The following VWA1 variants were observed in gnomAD, a reference collection of about 807,000 sequenced individuals.
VWA1 encodes the protein von Willebrand factor A domain containing 1.
Under a neutral mutation model 14.9 loss-of-function variants are expected in VWA1, and 12 were observed. The ratio of observed to expected loss-of-function variants is 0.80; its 90% CI spans 0.52 to 1.30. The LOEUF (loss-of-function observed/expected upper bound fraction) is 1.30, where lower values mean the gene tolerates loss of function less well. VWA1 is among the 50% of genes most tolerant of loss of function. The pLI is 0.00. For synonymous variants in VWA1, 368 were observed against 310.7 expected, an observed-to-expected ratio of 1.18 and a Z score of -1.94; for missense variants, 800 against 649.1, an observed-to-expected ratio of 1.23 and a Z score of -2.53.
Position 1,437,380 on chromosome 1 carries a change from T to C in VWA1, c.527T>C (p.Leu176Pro), listed in dbSNP as rs1351729699. The change falls in exon 2 of 3, where the codon CTG (leucine) becomes CCG (proline). Residue 176 changes from leucine (L) to proline (P), a missense_variant. Leu to Pro is a moderately conservative substitution (Grantham distance 98, BLOSUM62 -3). Transcript: ENST00000476993. ...GTCAGCACCGGCCGAGGCAACTTCCTGGAGCTGTCAGCCGCTGCCTCAGCC... is the reference window on the plus strand; with the variant it reads ...GTCAGCACCGGCCGAGGCAACTTCCCGGAGCTGTCAGCCGCTGCCTCAGCC... ...FIVSTGRGNF[L>P]ELSAAASAPA... 6.2e-7 allele frequency: 1 copy of C among 1,612,832 alleles called. No individual in the cohort carries two copies. The highest frequency in any genetic ancestry group is 1.1e-5 in the South Asian group (1 of 91,084).
chr1:1,439,682 C>T lies in VWA1; in HGVS notation c.1233C>T (p.Arg411=). 2 of 1,288,534 alleles carry T rather than the reference C, an allele frequency of 1.6e-6. No homozygotes were observed. The highest frequency in any genetic ancestry group is 9.9e-7 in the Non-Finnish European group (1 of 1,008,800). The allele number at this position is 1,288,534 out of a possible 1,614,324, so 79.8% of individuals were successfully genotyped here. A position where few individuals can be genotyped will look rare whatever the true frequency, so the allele number is the denominator to read the frequency against. The change falls in exon 3 of 3, where the codon CGC becomes CGT. Residue 411 remains arginine, a synonymous_variant. Coordinates refer to ENST00000476993, the MANE Select transcript of VWA1 (RefSeq NM_022834.5). ...VTVTAAFRSG[R]ESALSAKACT... ...TGACCGCCGCCTTCCGCTCGGGCCG[C>T]GAGAGCGCGCTGTCCGCCAAGGCCT...
rs1638521895 is a variant in VWA1 at position 1,435,727 on chromosome 1, C to T, written c.-22C>T. 8 of 1,198,212 alleles carry T rather than the reference C, an allele frequency of 6.7e-6. No individual in the cohort carries two copies. The highest frequency in any genetic ancestry group is 2.8e-4 in the Middle Eastern group (1 of 3,596). The allele number at this position is 1,198,212 out of a possible 1,614,324, so 74.2% of individuals were successfully genotyped here. ...GCGAGCGAGCGAGCGAGTTGCCGAG[C>T]GCGCCCCGTCCCTCGCGCGCGATGC... On this transcript the variant is annotated 5_prime_UTR_variant, in exon 1 of 3. Coordinates refer to ENST00000476993, the MANE Select transcript of VWA1 (RefSeq NM_022834.5).
rs571942631 is a variant in VWA1, at chr1:1,438,959, G to T, written c.632-122G>T. On this transcript the variant is annotated intron_variant, in intron 2 of 2. Transcript: ENST00000476993. ...GCATGGCTCCAGCAGCTCCTTGGCC[G>T]CGGGGCCCCGTCTTTCCTAGTGGGG... The T allele has an allele frequency of 7.7e-5, 109 of 1,416,814 alleles. 1 individual carries two copies. The East Asian group carries it at 2.2e-3, about 29-fold the overall frequency. 87.8% of individuals were successfully genotyped at this position (1,416,814 alleles called of 1,614,324 possible).
chr1:1,439,122 T>G lies in VWA1; in HGVS notation c.673T>G (p.Ser225Ala). Reference sequence around the variant, plus strand: ...GCAGCTCCATGCCACGGAGATCACGTCCAGCGGCTTCCGCCTGGCCTGGCC... The same window carrying G: ...GCAGCTCCATGCCACGGAGATCACGGCCAGCGGCTTCCGCCTGGCCTGGCC... ...PQQLHATEIT[S>A]SGFRLAWPPL... The change falls in exon 3 of 3, where the codon TCC becomes GCC. Residue 225 changes from serine to alanine, a missense_variant. Ser to Ala is a moderately conservative substitution (Grantham distance 99, BLOSUM62 1). Coordinates refer to ENST00000476993, the MANE Select transcript of VWA1 (RefSeq NM_022834.5). 1 of 1,600,354 alleles carries G rather than the reference T, an allele frequency of 6.2e-7. No homozygotes were observed. The highest frequency in any genetic ancestry group is 8.5e-7 in the Non-Finnish European group (1 of 1,179,344).
chr1:1,440,906 C>T lies in VWA1; in HGVS notation c.*1119C>T, dbSNP rs1227514260. On this transcript the variant is annotated 3_prime_UTR_variant, in exon 3 of 3. Transcript: ENST00000476993. ...CTCCCAGTGTCAGGCCTCCTTGGTCCTCATGTGCACCTTTTATTCAGAGAG... is the reference window on the plus strand; with the variant it reads ...CTCCCAGTGTCAGGCCTCCTTGGTCTTCATGTGCACCTTTTATTCAGAGAG... 2 of 152,296 alleles carry T rather than the reference C, an allele frequency of 1.3e-5. No homozygotes were observed. The highest frequency in any genetic ancestry group is 2.9e-5 in the Non-Finnish European group (2 of 68,118). The allele number at this position is 152,296 out of a possible 1,614,324, so 9.4% of individuals were successfully genotyped here.
rs1638613782 is a variant in VWA1, at chr1:1,439,496, C to T, written c.1047C>T (p.Arg349=). The change falls in exon 3 of 3, where the codon CGC becomes CGT. Residue 349 remains arginine (R), a synonymous_variant. Coordinates refer to ENST00000476993, the MANE Select transcript of VWA1 (RefSeq NM_022834.5). ...CCCACGCCCGGCCGCGCAGCCTCCG[C>T]GTGAGTTGGGCCCCAGCGCTGGGCT... is the stretch of plus-strand genomic sequence containing the variant. ...VISHARPRSL[R]VSWAPALGSA... 8 of 1,414,602 alleles carry T rather than the reference C, an allele frequency of 5.7e-6. No homozygotes were observed. The highest frequency in any genetic ancestry group is 7.3e-6 in the Non-Finnish European group (8 of 1,088,606). The allele number at this position is 1,414,602 out of a possible 1,614,324, so 87.6% of individuals were successfully genotyped here. A position where few individuals can be genotyped will look rare whatever the true frequency, so the allele number is the denominator to read the frequency against.
At chr1:1,435,919 G>A in intron 1 of VWA1, 98 bp downstream of exon 1, 6 of 802,404 alleles carry the variant, frequency 7.5e-6, no homozygotes, top group African/African-American at 1.9e-5. Context: ...CTCCGGACGG[G>A]CGGGCGGGCT....
rs1245773651 is a variant in VWA1 at position 1,437,186 on chromosome 1, C to G, written c.333C>G (p.Thr111=). The part of the protein sequence containing the change: ...VRASAQRMGD[T]HTGLALVYAK... ...CTTCTGCCCAGCGCATGGGTGACAC[C>G]CACACTGGCCTGGCGCTGGTCTATG... Residue 111 remains threonine (T), a synonymous_variant, in exon 2 of 3, where the codon ACC becomes ACG. Transcript: ENST00000476993. 11 of 1,611,722 alleles carry G rather than the reference C, an allele frequency of 6.8e-6. No individual in the cohort carries two copies. The East Asian group carries it at 2.2e-4, about 33-fold the overall frequency.
rs1463394608 is a variant in VWA1 at position 1,439,502 on chromosome 1, T to C, written c.1053T>C (p.Ser351=). The part of the protein sequence containing the change: ...SHARPRSLRV[S]WAPALGSAAA... Reference sequence around the variant, plus strand: ...CCCGGCCGCGCAGCCTCCGCGTGAGTTGGGCCCCAGCGCTGGGCTCAGCCG... The same window carrying C: ...CCCGGCCGCGCAGCCTCCGCGTGAGCTGGGCCCCAGCGCTGGGCTCAGCCG... The change falls in exon 3 of 3, where the codon AGT becomes AGC. Residue 351 remains serine (S), a synonymous_variant. Transcript: ENST00000476993. 1.4e-6 allele frequency: 2 copies of C among 1,410,542 alleles called. No homozygotes were observed. Among genetic ancestry groups the C allele is most frequent in the Non-Finnish European group, 9.2e-7 (1 of 1,086,134 alleles). The allele number at this position is 1,410,542 out of a possible 1,614,324, so 87.4% of individuals were successfully genotyped here. A position where few individuals can be genotyped will look rare whatever the true frequency, so the allele number is the denominator to read the frequency against.
rs895614286 is a variant in VWA1, at chr1:1,440,001, C to T, written c.*214C>T. On this transcript the variant is annotated 3_prime_UTR_variant, in exon 3 of 3. Coordinates refer to ENST00000476993, the MANE Select transcript of VWA1 (RefSeq NM_022834.5). ...TGGGGCCTCGCCTGGCGGGACCCCG[C>T]AGCAGCCCCGGCCCCATCCCCGCCC... is the stretch of plus-strand genomic sequence containing the variant. The T allele has an allele frequency of 4.8e-6, 2 of 420,580 alleles. No individual in the cohort carries two copies. The highest frequency in any genetic ancestry group is 4.4e-5 in the African/African-American group (2 of 45,742). The allele number at this position is 420,580 out of a possible 1,614,324, so 26.1% of individuals were successfully genotyped here.
Position 1,439,715 on chromosome 1 carries a change from C to A in VWA1, c.1266C>A (p.Pro422=). 1.7e-6 allele frequency: 2 copies of A among 1,160,994 alleles called. No homozygotes were observed. Among genetic ancestry groups the A allele is most frequent in the Non-Finnish European group, 2.1e-6 (2 of 939,384 alleles). 71.9% of individuals were successfully genotyped at this position (1,160,994 alleles called of 1,614,324 possible). Residue 422 remains proline, a synonymous_variant, in exon 3 of 3, where the codon CCC becomes CCA. Transcript: ENST00000476993. ...CGCTGTCCGCCAAGGCCTGCACGCC[C>A]GACGGCCCGCGCCCGCGCCCACGCC... ...ESALSAKACT[P]DGPRPRPRPV... is the part of the protein sequence containing the mutation.
At position 1,435,696 on chromosome 1, in the gene VWA1, G is replaced by A; in HGVS notation, c.-53G>A. On this transcript the variant is annotated 5_prime_UTR_variant, in exon 1 of 3. Coordinates refer to ENST00000476993, the MANE Select transcript of VWA1 (RefSeq NM_022834.5). ...GCGCGGTGACGCGCCCTGCAGCCCC[G>A]AGCGAGCGAGCGAGCGAGCGAGTTG... 1.8e-6 allele frequency: 2 copies of A among 1,095,242 alleles called. No homozygotes were observed. The highest frequency in any genetic ancestry group is 3.3e-4 in the Middle Eastern group (1 of 3,044). The allele number at this position is 1,095,242 out of a possible 1,614,324, so 67.8% of individuals were successfully genotyped here. A position where few individuals can be genotyped will look rare whatever the true frequency, so the allele number is the denominator to read the frequency against.
In VWA1 at chr1:1,439,629, G is replaced by C; in HGVS notation, c.1180G>C (p.Ala394Pro). 1 of 1,313,550 alleles carries C rather than the reference G, an allele frequency of 7.6e-7. No individual in the cohort carries two copies. Among genetic ancestry groups the C allele is most frequent in the African/African-American group, 1.6e-5 (1 of 62,348 alleles). 81.4% of individuals were successfully genotyped at this position (1,313,550 alleles called of 1,614,324 possible). A position where few individuals can be genotyped will look rare whatever the true frequency, so the allele number is the denominator to read the frequency against. The change falls in exon 3 of 3, where the codon GCG (alanine) becomes CCG (proline). Residue 394 changes from alanine to proline, a missense_variant. By Grantham distance (27) the Ala-to-Pro change is conservative. Transcript: ENST00000476993. ...GRNCTTLQGL[A>P]PGTAYLVTVT... ...CAACTGCACCACGCTGCAGGGCCTG[G>C]CGCCGGGCACCGCCTACCTGGTGAC...
Position 1,442,799 on chromosome 1 carries a change from G to T in VWA1, c.*3012G>T, listed in dbSNP as rs1053667632. 1 of 152,188 alleles carries T rather than the reference G, an allele frequency of 6.6e-6. No homozygotes were observed. Among genetic ancestry groups the T allele is most frequent in the African/African-American group, 2.4e-5 (1 of 41,438 alleles). 9.4% of individuals were successfully genotyped at this position (152,188 alleles called of 1,614,324 possible). ...TGGGGAGTGGGGTGTCCAAGCGTGG[G>T]CCACGCTGCTGGGAGCCACCTAGGG... On this transcript the variant is annotated 3_prime_UTR_variant, in exon 3 of 3. Transcript: ENST00000476993.
At position 1,439,911 on chromosome 1, in the gene VWA1, C is replaced by T. The variant is rs544564204; in HGVS notation, c.*124C>T. On this transcript the variant is annotated 3_prime_UTR_variant, in exon 3 of 3. Coordinates refer to ENST00000476993, the MANE Select transcript of VWA1 (RefSeq NM_022834.5). ...GCCCGGCCTTTCCCCACGCGGACTC[C>T]GCGCGACCCCGGCCCTCTCCCTGCG... 8.3e-5 allele frequency: 83 copies of T among 1,001,916 alleles called. No individual in the cohort carries two copies. In the Middle Eastern group the frequency reaches 2.4e-3, roughly 30 times the overall value. The allele number at this position is 1,001,916 out of a possible 1,614,324, so 62.1% of individuals were successfully genotyped here. A position where few individuals can be genotyped will look rare whatever the true frequency, so the allele number is the denominator to read the frequency against.
chr1:1,440,560 ATCT>A lies in VWA1; in HGVS notation c.*778_*780del, dbSNP rs1638647054. 2 of 166,262 alleles carry A rather than the reference ATCT, an allele frequency of 1.2e-5. No individual in the cohort carries two copies. Among genetic ancestry groups the A allele is most frequent in the Admixed American group, 6.6e-5 (1 of 15,240 alleles). 10.3% of individuals were successfully genotyped at this position (166,262 alleles called of 1,614,324 possible). On this transcript the variant is annotated 3_prime_UTR_variant, in exon 3 of 3. Transcript: ENST00000476993. ...CCAGGGAGGCCCCAGCAACCACACC[ATCT>A]TCTTGCTGTGAGAGGTCTCACCCCG...
Position 1,439,154 on chromosome 1 carries a change from G to T in VWA1, c.705G>T (p.Leu235=). 6.2e-7 allele frequency: 1 copy of T among 1,603,070 alleles called. No homozygotes were observed. The highest frequency in any genetic ancestry group is 1.1e-5 in the South Asian group (1 of 90,858). Residue 235 remains leucine (L), a synonymous_variant, in exon 3 of 3, where the codon CTG becomes CTT. Transcript: ENST00000476993. ...GCTTCCGCCTGGCCTGGCCACCCCTGCTGACCGCAGACTCGGGCTACTATG... is the reference window on the plus strand; with the variant it reads ...GCTTCCGCCTGGCCTGGCCACCCCTTCTGACCGCAGACTCGGGCTACTATG... ...SSGFRLAWPP[L]LTADSGYYVL... is the part of the protein sequence containing the mutation.
Position 1,439,534 on chromosome 1 carries a change from TC to T in VWA1, c.1086del (p.Gly363AlafsTer39). The T allele has an allele frequency of 7.4e-7, 1 of 1,357,932 alleles. No homozygotes were observed. The highest frequency in any genetic ancestry group is 9.4e-7 in the Non-Finnish European group (1 of 1,058,942). The allele number at this position is 1,357,932 out of a possible 1,614,324, so 84.1% of individuals were successfully genotyped here. ...CCAGCGCTGGGCTCAGCCGCGGCGC[TC>T]GGCTACCACGTGCAGTTCGGGCCGC... ...WAPALGSAAA[L>X]GYHVQFGPLR... On this transcript the variant is annotated frameshift_variant, in exon 3 of 3. Coordinates refer to ENST00000476993, the MANE Select transcript of VWA1 (RefSeq NM_022834.5). LOFTEE classifies it low-confidence loss of function (END_TRUNC).
In VWA1 at chr1:1,439,820, G is replaced by A. The variant is rs1442233494; in HGVS notation, c.*33G>A. 1.9e-6 allele frequency: 2 copies of A among 1,062,494 alleles called. No individual in the cohort carries two copies. Among genetic ancestry groups the A allele is most frequent in the African/African-American group, 1.7e-5 (1 of 58,228 alleles). The allele number at this position is 1,062,494 out of a possible 1,614,324, so 65.8% of individuals were successfully genotyped here. A position where few individuals can be genotyped will look rare whatever the true frequency, so the allele number is the denominator to read the frequency against. ...TCCCCGCCCAGCCGAGAGGGCCGGC[G>A]CCTACCTGAGGGCCCCTGTGTCCCG... On this transcript the variant is annotated 3_prime_UTR_variant, in exon 3 of 3. Transcript: ENST00000476993.
Sources: gnomAD v4.1 joint callset for allele counts on GRCh38, gnomAD v4.1.1 for gene constraint, MANE v1.5 for transcripts, NCBI Gene and HGNC (gene_info 2026-07-23, HGNC 2026-07-21) for gene names.